Variants in CTIF observed in about 807,000 individuals in gnomAD.
The protein encoded by CTIF is CBP80/20-dependent translation initiation factor.
A neutral mutation model predicts 66.0 loss-of-function variants in CTIF; 21 were observed. That is an observed-to-expected ratio of 0.32 (90% CI 0.23 to 0.46). CTIF has a LOEUF of 0.46. Among genes scored for constraint, CTIF ranks in the 20% least tolerant of loss-of-function variants. The probability of loss-of-function intolerance (pLI) is 1.00; values close to 1 mark genes in which losing one functional copy is unlikely to be tolerated. For synonymous variants in CTIF, 345 were observed against 326.4 expected, an observed-to-expected ratio of 1.06 and a Z score of -0.62; for missense variants, 739 against 812.7, an observed-to-expected ratio of 0.91 and a Z score of 1.10.
intron 1 of CTIF, among the ~76,000 whole-genome samples, chr18:48,577,585 G>GTTTGT (rs1017545902): frequency 2.0e-5 from 3 of 151,858 alleles, no homozygotes; most frequent in African/African-American, 7.3e-5. Context: ...TCTTTTGTTT[G>GTTTGT]TTTGTTTGAG....
intron 6 of CTIF, among the ~76,000 whole-genome samples, chr18:48,694,501 T>C (rs1187700739): frequency 1.3e-5 from 2 of 152,214 alleles, no homozygotes; most frequent in African/African-American, 4.8e-5. Context: ...CCCCTGAAAG[T>C]AGGTCAGATC....
chr18:48,823,615 C>G (rs926151955), intron 10 of CTIF, among the ~76,000 whole-genome samples: 2 of 152,154 alleles, frequency 1.3e-5, no homozygotes, highest in Non-Finnish European at 2.9e-5. Flanking sequence ...AAGCTTTGTT[C>G]TTCTTCACTC....
intron 6 of CTIF, among the ~76,000 whole-genome samples, chr18:48,687,920 A>G (rs1413709783): frequency 6.6e-6 from 1 of 152,208 alleles, no homozygotes; most frequent in East Asian, 1.9e-4. Flanking sequence ...ATAAAGTACA[A>G]GCTGTCCTTG....
chr18:48,850,660 A>G (rs1219616982), intron 10 of CTIF, among the ~76,000 whole-genome samples: 1 of 152,242 alleles, frequency 6.6e-6, no homozygotes, highest in Non-Finnish European at 1.5e-5. Flanking sequence ...CGGGAGGGCA[A>G]TGGCACTGAC....
rs1363983044 is a variant in CTIF, at chr18:48,862,109, C to T, written c.*2550C>T. 6.6e-6 allele frequency: 1 copy of T among 152,068 alleles called. No homozygotes were observed. The highest frequency in any genetic ancestry group is 1.5e-5 in the Non-Finnish European group (1 of 68,004). The allele number at this position is 152,068 out of a possible 1,614,324, so 9.4% of individuals were successfully genotyped here. On this transcript the variant is annotated 3_prime_UTR_variant, in exon 12 of 12. Coordinates refer to ENST00000256413, the MANE Select transcript of CTIF (RefSeq NM_014772.3). ...AAAATTTGAGACCCCGAGGCAGCTT[C>T]CCGAGGGAGACTGCTCAGACAGGAA... is the stretch of plus-strand genomic sequence containing the variant.
intron 1 of CTIF, among the ~76,000 whole-genome samples, chr18:48,601,138 C>T (rs2090083121): frequency 6.6e-6 from 1 of 152,068 alleles, no homozygotes; most frequent in African/African-American, 2.4e-5. Flanking sequence ...GGTGTTAGGC[C>T]CGTTCTTTAT....
intron 7 of CTIF, among the ~76,000 whole-genome samples, chr18:48,748,431 A>G (rs1213358659): frequency 6.6e-6 from 1 of 152,006 alleles, no homozygotes; most frequent in Non-Finnish European, 1.5e-5. Flanking sequence ...CTCCACCTTC[A>G]CTCCAGCCCT....
chr18:48,594,923 T>C (rs767348814), intron 1 of CTIF, among the ~76,000 whole-genome samples: 1 of 152,176 alleles, frequency 6.6e-6, no homozygotes, highest in South Asian at 2.1e-4. Flanking sequence ...CTTGATGAAC[T>C]GCAGGAGTTG....
intron 6 of CTIF, among the ~76,000 whole-genome samples, chr18:48,709,982 A>C (rs1054141506): frequency 4.6e-5 from 7 of 152,226 alleles, no homozygotes; most frequent in African/African-American, 1.7e-4. Context: ...CCAAGTGGCC[A>C]TAACTCCAAG....
chr18:48,765,124 A>T (rs904435105), intron 9 of CTIF, among the ~76,000 whole-genome samples: 3 of 152,242 alleles, frequency 2.0e-5, no homozygotes, highest in African/African-American at 7.2e-5. Context: ...GGCTGGGCTC[A>T]GCAAAACCTG....
intron 10 of CTIF, among the ~76,000 whole-genome samples, chr18:48,844,293 C>T (rs2069018532): frequency 6.6e-6 from 1 of 152,230 alleles, no homozygotes; most frequent in South Asian, 2.1e-4. Context: ...TTCCTGGCTG[C>T]AGGCACTGTG....
intron 7 of CTIF, among the ~76,000 whole-genome samples, chr18:48,745,281 T>C (rs2092587061): frequency 6.6e-6 from 1 of 152,240 alleles, no homozygotes; most frequent in African/African-American, 2.4e-5. Flanking sequence ...ACCTTCCCAG[T>C]GCACCATGTC....
chr18:48,674,653 G>A (rs2091595838), intron 6 of CTIF, among the ~76,000 whole-genome samples: 1 of 152,196 alleles, frequency 6.6e-6, no homozygotes, highest in East Asian at 1.9e-4. Flanking sequence ...TCTCACTGCA[G>A]TGCTGACCTC....
chr18:48,655,214 A>G (rs189162336), intron 3 of CTIF, among the ~76,000 whole-genome samples: 218 of 151,172 alleles, frequency 1.4e-3, no homozygotes, highest in Non-Finnish European at 2.3e-3. Context: ...TTGAGGCAAG[A>G]GAATCGCTTG....
intron 5 of CTIF, among the ~76,000 whole-genome samples, chr18:48,667,792 C>T (rs939014744): frequency 1.3e-5 from 2 of 152,192 alleles, no homozygotes; most frequent in African/African-American, 4.8e-5. Flanking sequence ...GGATATCTGG[C>T]TCACTAGCCA....
intron 2 of CTIF, among the ~76,000 whole-genome samples, chr18:48,624,203 A>G (rs575005040): frequency 4.3e-5 from 6 of 140,650 alleles, no homozygotes; most frequent in Non-Finnish European, 6.1e-5. Flanking sequence ...CCCATGTTTC[A>G]GGAGCACCTG....
intron 10 of CTIF, among the ~76,000 whole-genome samples, chr18:48,830,211 C>G (rs1386305838): frequency 2.0e-5 from 3 of 152,222 alleles, no homozygotes; most frequent in Non-Finnish European, 4.4e-5. Flanking sequence ...GTCACCCAGG[C>G]TGGAGTGCAG....
chr18:48,663,618 C>T, intron 3 of CTIF, 134 bp from the exon 4 acceptor site: 1 of 771,996 alleles, frequency 1.3e-6, no homozygotes, highest in Admixed American at 2.0e-5. Flanking sequence ...TCCCCTGACT[C>T]TGACTGGGTG....
chr18:48,832,522 A>T (rs1324249717), intron 10 of CTIF, among the ~76,000 whole-genome samples: 1 of 152,168 alleles, frequency 6.6e-6, no homozygotes, highest in African/African-American at 2.4e-5. Flanking sequence ...CGTGACAGGG[A>T]TAAGAGAATC....
Sources: allele counts gnomAD v4.1 joint callset (sites outside exome capture counted in the v4.1 genomes callset), GRCh38; gene constraint gnomAD v4.1.1; transcripts MANE v1.5; gene names NCBI Gene and HGNC (gene_info 2026-07-23, HGNC 2026-07-21).